Variants in KIAA0825 observed in about 807,000 individuals in gnomAD.
KIAA0825 encodes KIAA0825.
Under a neutral mutation model 147.6 loss-of-function variants are expected in KIAA0825, and 119 were observed. That is an observed-to-expected ratio of 0.81 (90% CI 0.69 to 0.94). The LOEUF is 0.94. Among genes scored for constraint, KIAA0825 ranks in the 40% least tolerant of loss-of-function variants. The pLI, the probability that KIAA0825 is intolerant of heterozygous loss-of-function variation, is 0.00. For missense variants in KIAA0825, 1,381 were observed against 1,472.7 expected (o/e 0.94, Z 1.02); for synonymous variants, 470 against 518.1 (o/e 0.91, Z 1.26).
In KIAA0825 at chr5:94,335,084, T is replaced by C. The variant is rs7715295; in HGVS notation, c.3710+49284A>G. 9.3e-3 allele frequency among the ~76,000 whole-genome samples: 1,417 copies of C among 152,310 alleles called. 22 individuals carry two copies. The highest frequency in any genetic ancestry group is 0.032 in the African/African-American group (1,350 of 41,564). On this transcript the variant is annotated intron_variant, in intron 20 of 20. Coordinates refer to ENST00000682413, the MANE Select transcript of KIAA0825 (RefSeq NM_001145678.3). Reference sequence around the variant, plus strand: ...TACTTTCAACTATTGCAGATTTTTTTATGTGTTTAATATCTGGTTGTTCGA... The same window carrying C: ...TACTTTCAACTATTGCAGATTTTTTCATGTGTTTAATATCTGGTTGTTCGA...
chr5:94,446,536 G>C (rs1029536795), intron 13 of KIAA0825, among the ~76,000 whole-genome samples: 2 of 152,092 alleles, frequency 1.3e-5, no homozygotes, highest in African/African-American at 4.8e-5. Flanking sequence ...TAGTGAAAGG[G>C]AAAAGCATAT....
intron 2 of KIAA0825, among the ~76,000 whole-genome samples, chr5:94,576,294 C>G (rs1345679641): frequency 6.6e-6 from 1 of 152,144 alleles, no homozygotes; most frequent in African/African-American, 2.4e-5. Flanking sequence ...CCCTCCAACA[C>G]TGATGTTGAA....
intron 15 of KIAA0825, among the ~76,000 whole-genome samples, chr5:94,410,318 C>A (rs1220048710): frequency 6.6e-6 from 1 of 151,986 alleles, no homozygotes; most frequent in Non-Finnish European, 1.5e-5. Context: ...AAGAATACAG[C>A]CTCACTGACC....
At chr5:94,363,167 C>T (rs950793047) in intron 20 of KIAA0825, among the ~76,000 whole-genome samples, 2 of 146,752 alleles carry the variant, frequency 1.4e-5, no homozygotes, top group African/African-American at 2.6e-5. Flanking sequence ...CAGCCCAAAC[C>T]AGTTTTCTTT....
chr5:94,517,054 T>C (rs1252485093), intron 5 of KIAA0825, among the ~76,000 whole-genome samples: 1 of 152,114 alleles, frequency 6.6e-6, no homozygotes, highest in Admixed American at 6.5e-5. Flanking sequence ...TGAGCCGAGA[T>C]TGCACCATTG....
At position 94,540,050 on chromosome 5, in the gene KIAA0825, T is replaced by C. The variant is rs146808615; in HGVS notation, c.-1-2923A>G. Among the ~76,000 whole-genome samples, 424 of 152,238 alleles carry C rather than the reference T, an allele frequency of 2.8e-3. 3 individuals carry two copies. Among genetic ancestry groups the C allele is most frequent in the African/African-American group, 9.7e-3 (401 of 41,536 alleles). ...GACCAACAAGTGGCCACTTGAACTT[T>C]TGAACAATGGATAGGTCTTTCTCTG... On this transcript the variant is annotated intron_variant, in intron 2 of 20. Coordinates refer to ENST00000682413, the MANE Select transcript of KIAA0825 (RefSeq NM_001145678.3).
intron 20 of KIAA0825, among the ~76,000 whole-genome samples, chr5:94,356,093 A>C (rs1784215605): frequency 6.6e-6 from 1 of 152,176 alleles, no homozygotes; most frequent in African/African-American, 2.4e-5. Flanking sequence ...TAGAAAACCC[A>C]AATAATTTAT....
chr5:94,586,416 A>T (rs1783295087), intron 1 of KIAA0825, among the ~76,000 whole-genome samples: 1 of 152,230 alleles, frequency 6.6e-6, no homozygotes, highest in African/African-American at 2.4e-5. Flanking sequence ...AAACACCTCT[A>T]TGCAAATAAA....
chr5:94,224,839 A>T (rs1774016892), intron 20 of KIAA0825, among the ~76,000 whole-genome samples: 1 of 151,950 alleles, frequency 6.6e-6, no homozygotes, highest in Admixed American at 6.6e-5. Flanking sequence ...CCTAATCTTG[A>T]TCCCTCTTTT....
At chr5:94,360,873 T>C (rs533082692) in intron 20 of KIAA0825, among the ~76,000 whole-genome samples, 27 of 152,220 alleles carry the variant, frequency 1.8e-4, no homozygotes, top group Admixed American at 3.3e-4. Flanking sequence ...GCTTTCACTT[T>C]ACTCTGTGGA....
intron 20 of KIAA0825, among the ~76,000 whole-genome samples, chr5:94,376,118 A>ATATAAATCCTTATAT (rs1747525535): frequency 1.3e-5 from 2 of 152,242 alleles, no homozygotes; most frequent in Non-Finnish European, 1.5e-5. Context: ...AAGGATTTAC[A>ATATAAATCCTTATAT]GTTAAATATG....
chr5:94,568,610 A>G (rs1561328746), intron 2 of KIAA0825: 1 of 152,350 alleles, frequency 6.6e-6, no homozygotes, highest in Non-Finnish European at 1.5e-5. Context: ...CCTAGGCATC[A>G]CCTTCCTAGG....
At chr5:94,547,757 A>AAGC (rs532670820) in intron 2 of KIAA0825, among the ~76,000 whole-genome samples, 309 of 151,704 alleles carry the variant, frequency 2.0e-3, no homozygotes, top group Middle Eastern at 6.8e-3. Flanking sequence ...AGAATCGTAA[A>AAGC]AGCAGCAATA....
intron 20 of KIAA0825, among the ~76,000 whole-genome samples, chr5:94,257,542 C>T (rs1299622227): frequency 6.6e-6 from 1 of 151,992 alleles, no homozygotes; most frequent in Non-Finnish European, 1.5e-5. Flanking sequence ...CCCAATTGCC[C>T]TAAATTTCTT....
At position 94,334,276 on chromosome 5, in the gene KIAA0825, T is replaced by C. The variant is rs1248740512; in HGVS notation, c.3710+50092A>G. 2.0e-5 allele frequency among the ~76,000 whole-genome samples: 3 copies of C among 152,346 alleles called. No individual in the cohort carries two copies. The East Asian group carries it at 5.8e-4, about 29-fold the overall frequency. On this transcript the variant is annotated intron_variant, in intron 20 of 20. Coordinates refer to ENST00000682413, the MANE Select transcript of KIAA0825 (RefSeq NM_001145678.3). Reference sequence around the variant, plus strand: ...CCAGTGCAGTAAGACAAGTAGAAGATATGAAAGACATAAATAGTGTAAAGG... The same window carrying C: ...CCAGTGCAGTAAGACAAGTAGAAGACATGAAAGACATAAATAGTGTAAAGG...
At chr5:94,512,890 C>T (rs1002870527) in intron 5 of KIAA0825, among the ~76,000 whole-genome samples, 1 of 151,876 alleles carries the variant, frequency 6.6e-6, no homozygotes, top group Non-Finnish European at 1.5e-5. Context: ...AGCGAGACTC[C>T]ATCTTATAAA....
chr5:94,552,851 T>C (rs1395583318), intron 2 of KIAA0825, among the ~76,000 whole-genome samples: 1 of 152,200 alleles, frequency 6.6e-6, no homozygotes, highest in Non-Finnish European at 1.5e-5. Flanking sequence ...GAACAGAGGT[T>C]AGTAGAAGCT....
chr5:94,378,461 T>C (rs1260976240), intron 20 of KIAA0825, among the ~76,000 whole-genome samples: 2 of 152,246 alleles, frequency 1.3e-5, no homozygotes, highest in South Asian at 2.1e-4. Context: ...CTATGTAGTA[T>C]TCTGTAGTGT....
chr5:94,275,698 T>G (rs1229478803), intron 20 of KIAA0825, among the ~76,000 whole-genome samples: 2 of 152,154 alleles, frequency 1.3e-5, no homozygotes, highest in Admixed American at 6.6e-5. Context: ...CTAAATGTTG[T>G]CTATGACATG....
Sources: allele counts gnomAD v4.1 joint callset (sites outside exome capture counted in the v4.1 genomes callset), GRCh38; gene constraint gnomAD v4.1.1; transcripts MANE v1.5; gene names NCBI Gene and HGNC (gene_info 2026-07-23, HGNC 2026-07-21).